Variants in CDH18 observed in about 807,000 individuals in gnomAD.
CDH18 encodes the protein cadherin 18.
CDH18 carries 31 observed loss-of-function variants against 67.9 expected under a neutral mutation model. That is an observed-to-expected ratio of 0.46 (90% CI 0.34 to 0.62). The LOEUF (loss-of-function observed/expected upper bound fraction) is 0.62, where lower values mean the gene tolerates loss of function less well. Ranked by LOEUF, CDH18 falls within the 20% of genes least tolerant of loss-of-function variation. The probability of loss-of-function intolerance (pLI) is 0.01; values close to 1 mark genes in which losing one functional copy is unlikely to be tolerated. For missense variants in CDH18, 890 were observed against 975.5 expected (o/e 0.91, Z 1.17); for synonymous variants, 362 against 347.2 (o/e 1.04, Z -0.48).
intron 1 of CDH18, among the ~76,000 whole-genome samples, chr5:20,381,439 A>G (rs1299661152): frequency 6.6e-6 from 1 of 152,084 alleles, no homozygotes; most frequent in East Asian, 1.9e-4. Flanking sequence ...GGGTCATTGC[A>G]TCAACCAATT....
intron 6 of CDH18, among the ~76,000 whole-genome samples, chr5:19,603,626 A>ATTT (rs1747539888): frequency 6.6e-6 from 1 of 151,544 alleles, no homozygotes; most frequent in South Asian, 2.1e-4. Context: ...AATGCTGGGA[A>ATTT]TTTATGATGA....
At chr5:20,115,972 T>C (rs1665017896) in intron 2 of CDH18, among the ~76,000 whole-genome samples, 1 of 152,164 alleles carries the variant, frequency 6.6e-6, no homozygotes, top group African/African-American at 2.4e-5. Flanking sequence ...CCAGTAAGTA[T>C]TAGGTTGGTG....
intron 2 of CDH18, among the ~76,000 whole-genome samples, chr5:20,087,298 C>T (rs1745043828): frequency 6.6e-6 from 1 of 152,036 alleles, no homozygotes; most frequent in Admixed American, 6.6e-5. Context: ...ATGGAATCTA[C>T]TCTTTGTGAA....
chr5:19,767,511 G>A (rs556739879), intron 3 of CDH18, among the ~76,000 whole-genome samples: 4 of 152,038 alleles, frequency 2.6e-5, no homozygotes, highest in African/African-American at 4.8e-5. Context: ...TTTATTAATG[G>A]ATATTATTAG....
intron 5 of CDH18, among the ~76,000 whole-genome samples, chr5:19,635,512 A>G (rs913149361): frequency 6.6e-6 from 1 of 152,188 alleles, no homozygotes; most frequent in Non-Finnish European, 1.5e-5. Context: ...TAAACCCTTG[A>G]TGACAAAGTC....
intron 2 of CDH18, among the ~76,000 whole-genome samples, chr5:20,076,463 T>C (rs1485685855): frequency 6.6e-6 from 1 of 152,126 alleles, no homozygotes; most frequent in Admixed American, 6.6e-5. Context: ...ATGGCAAGCT[T>C]GGTTATTCTT....
intron 4 of CDH18, among the ~76,000 whole-genome samples, chr5:19,745,334 A>G (rs1769843184): frequency 6.6e-6 from 1 of 152,152 alleles, no homozygotes; most frequent in Non-Finnish European, 1.5e-5. Flanking sequence ...CGTATTGGCT[A>G]CTGTTTAGTA....
intron 5 of CDH18, among the ~76,000 whole-genome samples, chr5:19,618,518 T>C (rs1255750552): frequency 1.3e-5 from 2 of 152,302 alleles, no homozygotes; most frequent in East Asian, 3.9e-4. Flanking sequence ...CTTTTGGTTC[T>C]TTTTCTTAAT....
At chr5:20,093,869 C>T (rs1745654425) in intron 2 of CDH18, among the ~76,000 whole-genome samples, 1 of 152,062 alleles carries the variant, frequency 6.6e-6, no homozygotes, top group Non-Finnish European at 1.5e-5. Context: ...GGATATAAAA[C>T]TTGAAGTTCA....
intron 1 of CDH18, among the ~76,000 whole-genome samples, chr5:20,427,863 G>A (rs1748421612): frequency 6.6e-6 from 1 of 151,176 alleles, no homozygotes; most frequent in South Asian, 2.1e-4. Flanking sequence ...TTGAAAATTT[G>A]TTAGCTGAAA....
chr5:20,415,388 G>C (rs980415184), intron 1 of CDH18, among the ~76,000 whole-genome samples: 2 of 151,570 alleles, frequency 1.3e-5, no homozygotes, highest in Non-Finnish European at 2.9e-5. Flanking sequence ...AAAACCAGAT[G>C]AATGAAAAAA....
chr5:20,036,188 C>A (rs1320480916), intron 2 of CDH18, among the ~76,000 whole-genome samples: 1 of 151,894 alleles, frequency 6.6e-6, no homozygotes, highest in Non-Finnish European at 1.5e-5. Flanking sequence ...GGTGCTGATC[C>A]ACAGCTGTTC....
At chr5:20,388,211 T>C (rs2150110634) in intron 1 of CDH18, among the ~76,000 whole-genome samples, 1 of 152,284 alleles carries the variant, frequency 6.6e-6, no homozygotes, top group Non-Finnish European at 1.5e-5. Flanking sequence ...CTTTTTTTGG[T>C]TGGTAAGCTA....
At chr5:20,091,767 A>T (rs1287887950) in intron 2 of CDH18, among the ~76,000 whole-genome samples, 4 of 152,002 alleles carry the variant, frequency 2.6e-5, no homozygotes, top group Non-Finnish European at 5.9e-5. Context: ...GGTTATACTG[A>T]AGAGAGGAGG....
At chr5:20,289,963 A>G (rs1211402832) in intron 1 of CDH18, among the ~76,000 whole-genome samples, 1 of 152,078 alleles carries the variant, frequency 6.6e-6, no homozygotes, top group East Asian at 1.9e-4. Flanking sequence ...GCCCACAAAA[A>G]CTGTTGTAAT....
chr5:20,123,611 C>G (rs1561809372), intron 2 of CDH18, among the ~76,000 whole-genome samples: 1 of 152,098 alleles, frequency 6.6e-6, no homozygotes, highest in Admixed American at 6.6e-5. Flanking sequence ...CGGCCCGGCG[C>G]GGTGGCTCAC....
chr5:20,433,395 G>A (rs1363819836), intron 1 of CDH18, among the ~76,000 whole-genome samples: 1 of 151,868 alleles, frequency 6.6e-6, no homozygotes, highest in East Asian at 1.9e-4. Context: ...TCTACATAAA[G>A]TATTGTCTCA....
At chr5:20,282,696 G>T (rs1580661212) in intron 1 of CDH18, among the ~76,000 whole-genome samples, 1 of 152,050 alleles carries the variant, frequency 6.6e-6, no homozygotes, top group Admixed American at 6.6e-5. Flanking sequence ...CTGTGTCTCT[G>T]CCAGGCTTTG....
intron 3 of CDH18, among the ~76,000 whole-genome samples, chr5:19,765,014 C>T (rs6883453): frequency 0.091 from 13,769 of 152,086 alleles, 1,436 homozygotes; most frequent in African/African-American, 0.24. Flanking sequence ...AGAAGTCTTT[C>T]TTAAATTTTT....
Sources: gnomAD v4.1 joint callset for allele counts (sites outside exome capture counted in the v4.1 genomes callset) on GRCh38, gnomAD v4.1.1 for gene constraint, MANE v1.5 for transcripts, NCBI Gene and HGNC (gene_info 2026-07-23, HGNC 2026-07-21) for gene names.